Variants in MED12L observed in about 807,000 individuals in gnomAD.
The protein encoded by MED12L is mediator complex subunit 12L, also known as mediator of RNA polymerase II transcription subunit 12-like protein.
A neutral mutation model predicts 281.3 loss-of-function variants in MED12L; 60 were observed. That is an observed-to-expected ratio of 0.21 (90% CI 0.17 to 0.26). The LOEUF is 0.26. Ranked by LOEUF, MED12L falls within the 10% of genes least tolerant of loss-of-function variation. MED12L has a pLI of 1.00. For missense variants in MED12L, 2,146 were observed against 2,680.9 expected (o/e 0.80, Z 4.41); for synonymous variants, 974 against 987.2 (o/e 0.99, Z 0.25).
chr3:151,329,464 C>CA (rs1560035634), intron 16 of MED12L: 1 of 1,518,580 alleles, frequency 6.6e-7, no homozygotes, highest in Non-Finnish European at 8.9e-7. Context: ...CTCATAATAA[C>CA]AAAAATTGAA....
chr3:151,272,014 G>A (rs1247129260), intron 16 of MED12L, among the ~76,000 whole-genome samples: 1 of 152,104 alleles, frequency 6.6e-6, no homozygotes, highest in Non-Finnish European at 1.5e-5. Context: ...TATAAATTAG[G>A]GGAAAAAGTC....
chr3:151,238,738 C>T (rs1733438194), intron 16 of MED12L, among the ~76,000 whole-genome samples: 1 of 152,130 alleles, frequency 6.6e-6, no homozygotes, highest in African/African-American at 2.4e-5. Flanking sequence ...TAAAGCAATA[C>T]TAGTTTTTAT....
At chr3:151,409,156 G>T in intron 39 of MED12L, 87 bp from the exon 40 acceptor site, 1 of 936,680 alleles carries the variant, frequency 1.1e-6, no homozygotes, top group Non-Finnish European at 1.6e-6. Flanking sequence ...AATGAGATTA[G>T]ATGTGGGTTA....
chr3:151,392,467 GAAA>G lies in MED12L; in HGVS notation c.5609-2169_5609-2167del, dbSNP rs200781609. ...GTGACAGAGCGAGACTCCATCTCAAGAAAAAAAAAAAAAAAAAAAAAAGTAAAA... is the reference window on the plus strand; with the variant it reads ...GTGACAGAGCGAGACTCCATCTCAAGAAAAAAAAAAAAAAAAAAAGTAAAA... On this transcript the variant is annotated intron_variant, in intron 38 of 44. Transcript: ENST00000687756. 1.1e-4 allele frequency among the ~76,000 whole-genome samples: 11 copies of G among 95,852 alleles called. No individual in the cohort carries two copies. In the East Asian group the frequency reaches 3.0e-3, roughly 26 times the overall value. 62.9% of individuals were successfully genotyped at this position (95,852 alleles called of 152,430 possible). A position where few individuals can be genotyped will look rare whatever the true frequency, so the allele number is the denominator to read the frequency against.
intron 16 of MED12L, among the ~76,000 whole-genome samples, chr3:151,223,173 T>C (rs1454434919): frequency 1.3e-4 from 5 of 39,554 alleles, no homozygotes; most frequent in African/African-American, 4.1e-4. Flanking sequence ...TATTAAAAAG[T>C]CCAAAAAAAA....
At chr3:151,293,765 A>C (rs1357716253) in intron 16 of MED12L, among the ~76,000 whole-genome samples, 1 of 152,152 alleles carries the variant, frequency 6.6e-6, no homozygotes, top group Non-Finnish European at 1.5e-5. Context: ...TGACTGCCAA[A>C]GATCTTAGTT....
chr3:151,220,816 C>T (rs1180668357), intron 16 of MED12L, among the ~76,000 whole-genome samples: 1 of 152,186 alleles, frequency 6.6e-6, no homozygotes, highest in African/African-American at 2.4e-5. Context: ...CGGACTAATA[C>T]AGTAAATTGG....
intron 2 of MED12L, among the ~76,000 whole-genome samples, chr3:151,114,407 G>A (rs956893327): frequency 8.5e-5 from 13 of 152,320 alleles, no homozygotes; most frequent in African/African-American, 2.6e-4. Flanking sequence ...ATGTCTCCAG[G>A]AGACCTCTTT....
At chr3:151,202,997 T>A (rs1311898161) in intron 16 of MED12L, 1 of 152,174 alleles carries the variant, frequency 6.6e-6, no homozygotes, top group East Asian at 1.9e-4. Context: ...TGCTTTTTTT[T>A]TATACAGCTT....
At chr3:151,411,066 A>T (rs948905745) in intron 40 of MED12L, among the ~76,000 whole-genome samples, 2 of 151,772 alleles carry the variant, frequency 1.3e-5, no homozygotes, top group South Asian at 4.1e-4. Context: ...ATTTCTGGTG[A>T]GTCATTACAC....
intron 39 of MED12L, among the ~76,000 whole-genome samples, chr3:151,404,035 A>G (rs1331515611): frequency 1.3e-5 from 2 of 152,302 alleles, no homozygotes; most frequent in East Asian, 3.9e-4. Context: ...GGCATTGTTT[A>G]TTATTCAGGT....
intron 2 of MED12L, among the ~76,000 whole-genome samples, chr3:151,092,346 T>C (rs1185427937): frequency 1.3e-5 from 2 of 152,222 alleles, no homozygotes; most frequent in East Asian, 1.9e-4. Context: ...TGCTATTCTC[T>C]CCATGGCCTG....
intron 16 of MED12L, chr3:151,329,400 A>T: frequency 1.2e-6 from 1 of 828,122 alleles, no homozygotes; most frequent in Non-Finnish European, 1.9e-6. Context: ...GTAGAATATT[A>T]ACTTTAAAGC....
chr3:151,378,431 G>A (rs1419427142), intron 31 of MED12L, among the ~76,000 whole-genome samples: 1 of 151,958 alleles, frequency 6.6e-6, no homozygotes, highest in Admixed American at 6.6e-5. Context: ...TCCGAGACCC[G>A]CTTTAGACCA....
intron 5 of MED12L, among the ~76,000 whole-genome samples, chr3:151,128,967 G>C (rs932712705): frequency 1.3e-5 from 2 of 152,214 alleles, no homozygotes; most frequent in African/African-American, 4.8e-5. Flanking sequence ...TTTCTAGACT[G>C]TGACTTCTTG....
chr3:151,428,363 C>CTCTTGATTTTTATTTTTT (rs1560154386), intron 43 of MED12L, among the ~76,000 whole-genome samples: 1 of 152,134 alleles, frequency 6.6e-6, no homozygotes, highest in African/African-American at 2.4e-5. Context: ...TTTTATTTTT[C>CTCTTGATTTTTATTTTTT]ACTCTTGATT....
chr3:151,395,533 A>T (rs1320948486), intron 39 of MED12L, among the ~76,000 whole-genome samples: 1 of 152,254 alleles, frequency 6.6e-6, no homozygotes, highest in Non-Finnish European at 1.5e-5. Context: ...GCGTCTGTAC[A>T]TTAAAATAAA....
chr3:151,342,536 C>T (rs571684000), intron 16 of MED12L, among the ~76,000 whole-genome samples: 46 of 152,308 alleles, frequency 3.0e-4, no homozygotes, highest in African/African-American at 9.6e-4. Flanking sequence ...GTGCCCCACC[C>T]TGCATCTGTA....
At chr3:151,243,033 G>T (rs1462917161) in intron 16 of MED12L, among the ~76,000 whole-genome samples, 2 of 151,510 alleles carry the variant, frequency 1.3e-5, no homozygotes, top group African/African-American at 4.9e-5. Flanking sequence ...AAGATGAAAT[G>T]AATGAAATGA....
Sources: gnomAD v4.1 joint callset for allele counts (sites outside exome capture counted in the v4.1 genomes callset) on GRCh38, gnomAD v4.1.1 for gene constraint, MANE v1.5 for transcripts, NCBI Gene and HGNC (gene_info 2026-07-23, HGNC 2026-07-21) for gene names.